The following ZNF260 variants were observed in gnomAD, a reference collection of about 807,000 sequenced individuals.
ZNF260 encodes the protein zfp-260.
A neutral mutation model predicts 29.3 loss-of-function variants in ZNF260; 21 were observed. That is an observed-to-expected ratio of 0.72 (90% CI 0.51 to 1.03). The LOEUF (loss-of-function observed/expected upper bound fraction) is 1.03. Ranked by LOEUF, ZNF260 falls within the 50% of genes least tolerant of loss-of-function variation. The pLI, the probability that ZNF260 is intolerant of heterozygous loss-of-function variation, is 0.00. For synonymous variants in ZNF260, 156 were observed against 156.8 expected (o/e 0.99, Z 0.04); for missense variants, 465 against 487.8 (o/e 0.95, Z 0.44).
At chr19:36,523,376 C>T (rs2034676812) in intron 2 of ZNF260, among the ~76,000 whole-genome samples, 1 of 152,052 alleles carries the variant, frequency 6.6e-6, no homozygotes, top group East Asian at 1.9e-4. Context: ...GTAATCTTGT[C>T]ACAGTCCAAT....
chr19:36,514,298 GAGA>G lies in ZNF260; in HGVS notation c.938_940del (p.Phe313del). 1 of 1,614,034 alleles carries G rather than the reference GAGA, an allele frequency of 6.2e-7. No individual in the cohort carries two copies. The highest frequency in any genetic ancestry group is 8.5e-7 in the Non-Finnish European group (1 of 1,179,988). Reference sequence around the variant, plus strand: ...ATGTACAATAAGTGATGTGATTCGAGAGAAGGCTTTTCCACATTTATTACATTC... The same window carrying G: ...ATGTACAATAAGTGATGTGATTCGAGAGGCTTTTCCACATTTATTACATTC... On this transcript the variant is annotated inframe_deletion, in exon 3 of 3. Coordinates refer to ENST00000523638, the MANE Select transcript of ZNF260 (RefSeq NM_001166037.2).
intron 2 of ZNF260, among the ~76,000 whole-genome samples, chr19:36,524,291 T>C (rs1340799425): frequency 6.6e-6 from 1 of 152,018 alleles, no homozygotes; most frequent in Non-Finnish European, 1.5e-5. Context: ...TTCTCCCACC[T>C]CAGCCTCCTG....
rs73605913 is a variant in ZNF260 at position 36,519,814 on chromosome 19, T to C, written c.-461-4115A>G. 9.7e-3 allele frequency among the ~76,000 whole-genome samples: 1,477 copies of C among 152,260 alleles called. 30 individuals carry two copies. Among genetic ancestry groups the C allele is most frequent in the African/African-American group, 0.034 (1,427 of 41,538 alleles). ...CCTTTGGCCAGGGAAAATTAATGCT[T>C]GGAGAATGAAGTTTTAGCATAAAAG... On this transcript the variant is annotated intron_variant, in intron 2 of 2. Coordinates refer to ENST00000523638, the MANE Select transcript of ZNF260 (RefSeq NM_001166037.2).
At position 36,528,200 on chromosome 19, in the gene ZNF260, G is replaced by GT. The variant is rs1254125868; in HGVS notation, c.-681+18_-681+19insA. The GT allele has an allele frequency of 6.6e-6, 1 of 152,492 alleles. No homozygotes were observed. Among genetic ancestry groups the GT allele is most frequent in the Non-Finnish European group, 1.5e-5 (1 of 68,266 alleles). 9.4% of individuals were successfully genotyped at this position (152,492 alleles called of 1,614,324 possible). A position where few individuals can be genotyped will look rare whatever the true frequency, so the allele number is the denominator to read the frequency against. On this transcript the variant is annotated intron_variant, in intron 1 of 2. Transcript: ENST00000523638. ...AGTGTCCAGAAACCCAAGTCCCACA[G>GT]GGCCGAAACCCAACTCACCGGCAGA...
chr19:36,521,557 A>T (rs956005152), intron 2 of ZNF260, among the ~76,000 whole-genome samples: 5 of 151,662 alleles, frequency 3.3e-5, no homozygotes, highest in African/African-American at 1.2e-4. Context: ...GTTCGAGACC[A>T]GTCTGGCCAA....
chr19:36,527,863 C>A (rs1342407059), intron 1 of ZNF260, among the ~76,000 whole-genome samples: 1 of 152,106 alleles, frequency 6.6e-6, no homozygotes, highest in African/African-American at 2.4e-5. Flanking sequence ...TTAGCCTTTT[C>A]CGTTTCCTAT....
chr19:36,524,433 C>T (rs894180758), intron 2 of ZNF260, among the ~76,000 whole-genome samples: 1 of 151,846 alleles, frequency 6.6e-6, no homozygotes. Flanking sequence ...CCAGCCTCGG[C>T]CTCCCAAAGT....
Position 36,514,570 on chromosome 19 carries a change from T to C in ZNF260, c.669A>G (p.Lys223=). ...TCTGAATGAAAGCTTTCCCACACCC[T>C]TTACATTCATAAGGTTTCTCTCCAG... ...IHTGEKPYEC[K]GCGKAFIQKS... The change falls in exon 3 of 3, where the codon AAA becomes AAG. Residue 223 remains lysine (K), a synonymous_variant. Coordinates refer to ENST00000523638, the MANE Select transcript of ZNF260 (RefSeq NM_001166037.2). 2 of 1,613,962 alleles carry C rather than the reference T, an allele frequency of 1.2e-6. No homozygotes were observed. Among genetic ancestry groups the C allele is most frequent in the African/African-American group, 2.7e-5 (2 of 74,978 alleles).
rs1209088987 is a variant in ZNF260, at chr19:36,515,051, A to G, written c.188T>C (p.Val63Ala). 2 of 1,613,992 alleles carry G rather than the reference A, an allele frequency of 1.2e-6. No homozygotes were observed. Among genetic ancestry groups the G allele is most frequent in the Non-Finnish European group, 1.7e-6 (2 of 1,180,030 alleles). ...AGTAAGAGATGAGACTCGAGAGCAC[A>G]CTTTACCACATTCAGTGCATTCATG... The part of the protein sequence containing the change: ...KSHECTECGK[V>A]CSRVSSLTLH... Residue 63 changes from valine to alanine, a missense_variant, in exon 3 of 3, where the codon GTG (valine) becomes GCG (alanine). Physicochemically the swap from Val to Ala is moderately conservative, Grantham distance 64. Coordinates refer to ENST00000523638, the MANE Select transcript of ZNF260 (RefSeq NM_001166037.2).
chr19:36,514,620 G>A lies in ZNF260; in HGVS notation c.619C>T (p.Leu207Phe), dbSNP rs2145740193. 1.9e-6 allele frequency: 3 copies of A among 1,613,954 alleles called. No individual in the cohort carries two copies. The highest frequency in any genetic ancestry group is 1.1e-5 in the South Asian group (1 of 91,068). Reference protein sequence around the residue: ...CGKAFSQKENLIIHQRIHTGE... With the variant: ...CGKAFSQKENFIIHQRIHTGE... ...GTATGGATTCTCTGATGTATAATGA[G>A]GTTTTCCTTCTGGCTAAAAGCTTTT... is the stretch of plus-strand genomic sequence containing the variant. The change falls in exon 3 of 3, where the codon CTC (leucine) becomes TTC (phenylalanine). Residue 207 changes from leucine (L) to phenylalanine (F), a missense_variant. Coordinates refer to ENST00000523638, the MANE Select transcript of ZNF260 (RefSeq NM_001166037.2).
At chr19:36,520,012 C>T (rs1390312429) in intron 2 of ZNF260, among the ~76,000 whole-genome samples, 2 of 151,486 alleles carry the variant, frequency 1.3e-5, no homozygotes, top group Non-Finnish European at 2.9e-5. Context: ...CCAGCCTGGC[C>T]AACATGGAGA....
intron 2 of ZNF260, among the ~76,000 whole-genome samples, chr19:36,524,109 T>C (rs1371040166): frequency 6.6e-6 from 1 of 152,108 alleles, no homozygotes; most frequent in Non-Finnish European, 1.5e-5. Flanking sequence ...AAGAATCTAC[T>C]TGCTAGTCTT....
intron 2 of ZNF260, among the ~76,000 whole-genome samples, chr19:36,520,536 C>T (rs1344889015): frequency 1.3e-5 from 2 of 152,010 alleles, no homozygotes; most frequent in Non-Finnish European, 1.5e-5. Flanking sequence ...TGGTGGCTCA[C>T]GCCTGTAATC....
chr19:36,514,001 T>TA lies in ZNF260; in HGVS notation c.1237dup (p.Ter413LeufsTer33). The TA allele has an allele frequency of 6.2e-7, 1 of 1,609,072 alleles. No individual in the cohort carries two copies. Among genetic ancestry groups the TA allele is most frequent in the Non-Finnish European group, 8.5e-7 (1 of 1,176,310 alleles). The stretch of plus-strand genomic sequence containing the variant: ...AATCCAAGGCATTCATAGAGAACTT[T>TA]AATGAGTATGAATTCTCTGGTGTCT... On this transcript the variant is annotated frameshift_variant and stop_lost, in exon 3 of 3. Transcript: ENST00000523638. LOFTEE classifies it high-confidence loss of function.
intron 2 of ZNF260, among the ~76,000 whole-genome samples, chr19:36,516,574 T>C (rs1013650935): frequency 6.6e-6 from 1 of 152,152 alleles, no homozygotes; most frequent in Admixed American, 6.5e-5. Context: ...AGTGCAAGAC[T>C]CGGTCTTTTA....
At chr19:36,518,417 T>C (rs2034588186) in intron 2 of ZNF260, among the ~76,000 whole-genome samples, 1 of 152,184 alleles carries the variant, frequency 6.6e-6, no homozygotes, top group Non-Finnish European at 1.5e-5. Context: ...GAGATTACTA[T>C]TATCACTGCA....
At chr19:36,519,957 TG>T (rs1310235740) in intron 2 of ZNF260, among the ~76,000 whole-genome samples, 4 of 151,668 alleles carry the variant, frequency 2.6e-5, no homozygotes, top group Non-Finnish European at 5.9e-5. Context: ...CCCAGCACTT[TG>T]GGAGGCCGAG....
chr19:36,520,483 AC>A (rs2034625525), intron 2 of ZNF260, among the ~76,000 whole-genome samples: 1 of 151,944 alleles, frequency 6.6e-6, no homozygotes, highest in Admixed American at 6.6e-5. Flanking sequence ...AAGACAGAAA[AC>A]CTAAACAGAA....
intron 2 of ZNF260, among the ~76,000 whole-genome samples, chr19:36,524,534 T>TTTTTTTTTTTTTTTTTTTTTTA (rs1555779912): frequency 7.9e-6 from 1 of 125,964 alleles, no homozygotes; most frequent in African/African-American, 2.9e-5. Context: ...TTTTTTTTTT[T>TTTTTTTTTTTTTTTTTTTTTTA]ATTGATCATT....
Sources: allele counts gnomAD v4.1 joint callset (sites outside exome capture counted in the v4.1 genomes callset), GRCh38; gene constraint gnomAD v4.1.1; transcripts MANE v1.5; gene names NCBI Gene and HGNC (gene_info 2026-07-23, HGNC 2026-07-21).